Variants in SLC14A2 observed in about 807,000 individuals in gnomAD.
The protein encoded by SLC14A2 is urea transporter 2.
Under a neutral mutation model 104.6 loss-of-function variants are expected in SLC14A2, and 91 were observed. The observed-to-expected ratio is 0.87, with a 90% CI of 0.73 to 1.04. The LOEUF (loss-of-function observed/expected upper bound fraction) is 1.04, where lower values mean the gene tolerates loss of function less well. Among genes scored for constraint, SLC14A2 ranks in the 50% least tolerant of loss-of-function variants. The pLI, the probability that SLC14A2 is intolerant of heterozygous loss-of-function variation, is 0.00. For synonymous variants in SLC14A2, 476 were observed against 466.4 expected, an observed-to-expected ratio of 1.02 and a Z score of -0.27; for missense variants, 1,189 against 1,156.0, an observed-to-expected ratio of 1.03 and a Z score of -0.41.
chr18:45,648,306 C>T (rs548357915), intron 10 of SLC14A2, among the ~76,000 whole-genome samples: 23 of 150,718 alleles, frequency 1.5e-4, no homozygotes, highest in Admixed American at 6.0e-4. Context: ...CCCGGGTTCA[C>T]GCCATTCTCC....
At chr18:45,189,945 C>T in the SLC14A2 span, among the ~76,000 whole-genome samples, 1 of 152,150 alleles carries the variant, frequency 6.6e-6, no homozygotes, top group African/African-American at 2.4e-5. Flanking sequence ...TGGGAAATGT[C>T]ACCTCTTGGC....
intron 2 of SLC14A2, among the ~76,000 whole-genome samples, chr18:45,610,458 A>T (rs1239551611): frequency 6.6e-6 from 1 of 152,214 alleles, no homozygotes; most frequent in Non-Finnish European, 1.5e-5. Flanking sequence ...CCCGGTCATC[A>T]GCATTTTTTA....
At chr18:45,300,192 T>C (rs2084954538) in intron 1 of SLC14A2, among the ~76,000 whole-genome samples, 1 of 152,210 alleles carries the variant, frequency 6.6e-6, no homozygotes, top group South Asian at 2.1e-4. Context: ...GTTATCCTTC[T>C]GGTCAGTGTT....
intron 1 of SLC14A2, among the ~76,000 whole-genome samples, chr18:45,387,649 C>G (rs533814208): frequency 8.5e-5 from 13 of 152,238 alleles, no homozygotes; most frequent in African/African-American, 3.1e-4. Context: ...TTTCAGGTAT[C>G]CTCAGGGCAA....
chr18:45,548,804 G>A (rs1185949007), intron 2 of SLC14A2, among the ~76,000 whole-genome samples: 1 of 152,200 alleles, frequency 6.6e-6, no homozygotes, highest in African/African-American at 2.4e-5. Context: ...TTACACAGGT[G>A]ATGTCACTTA....
chr18:45,472,989 C>G (rs914978581), intron 1 of SLC14A2, among the ~76,000 whole-genome samples: 11 of 152,102 alleles, frequency 7.2e-5, no homozygotes, highest in Non-Finnish European at 1.5e-4. Context: ...AGGTTTCTTT[C>G]TAGGGTTTCT....
chr18:45,527,831 T>C (rs1048332873), intron 2 of SLC14A2: 2 of 152,238 alleles, frequency 1.3e-5, no homozygotes, highest in African/African-American at 4.8e-5. Context: ...ATAACTCTTG[T>C]CTACTATGCA....
chr18:45,644,639 G>C (rs2045588405), intron 10 of SLC14A2, among the ~76,000 whole-genome samples: 1 of 152,138 alleles, frequency 6.6e-6, no homozygotes, highest in South Asian at 2.1e-4. Flanking sequence ...ACCACAAAGA[G>C]AGGAATTTCA....
chr18:45,660,730 C>G (rs896516681), intron 10 of SLC14A2, among the ~76,000 whole-genome samples: 3 of 152,210 alleles, frequency 2.0e-5, no homozygotes, highest in African/African-American at 7.2e-5. Context: ...TTTCTCCCCA[C>G]CTCACCAATG....
intron 2 of SLC14A2, among the ~76,000 whole-genome samples, chr18:45,592,503 A>C (rs2044662397): frequency 6.6e-6 from 1 of 152,200 alleles, no homozygotes; most frequent in Admixed American, 6.5e-5. Context: ...CAGATGCAGG[A>C]AAGTTCGTTT....
chr18:45,387,579 AAT>A (rs1214283386), intron 1 of SLC14A2, among the ~76,000 whole-genome samples: 1 of 152,222 alleles, frequency 6.6e-6, no homozygotes, highest in Non-Finnish European at 1.5e-5. Flanking sequence ...TCTCTCAATC[AAT>A]ATCATATTTT....
At chr18:45,362,486 C>T (rs935600632) in intron 1 of SLC14A2, among the ~76,000 whole-genome samples, 38 of 152,170 alleles carry the variant, frequency 2.5e-4, no homozygotes, top group Non-Finnish European at 5.1e-4. Context: ...GCATCCAGCC[C>T]AACTCCCCTG....
upstream of SLC14A2, among the ~76,000 whole-genome samples, chr18:45,212,326 T>C (rs551308570): frequency 1.3e-5 from 2 of 152,342 alleles, no homozygotes; most frequent in South Asian, 2.1e-4. Context: ...AACTGTATTA[T>C]GGTTTTGAAG....
chr18:45,648,786 C>A (rs1200937211), intron 10 of SLC14A2, among the ~76,000 whole-genome samples: 1 of 151,660 alleles, frequency 6.6e-6, no homozygotes, highest in East Asian at 1.9e-4. Flanking sequence ...ATTCATTTTT[C>A]TTTGCTTTTT....
intron 10 of SLC14A2, among the ~76,000 whole-genome samples, chr18:45,659,757 C>T (rs770002530): frequency 3.3e-5 from 5 of 152,134 alleles, no homozygotes; most frequent in Non-Finnish European, 5.9e-5. Context: ...AACATTTATA[C>T]TAAGATACAT....
intron 1 of SLC14A2, among the ~76,000 whole-genome samples, chr18:45,247,492 G>A (rs2084378336): frequency 6.6e-6 from 1 of 152,170 alleles, no homozygotes; most frequent in Non-Finnish European, 1.5e-5. Context: ...ATGTGGGAGA[G>A]AGATTTGTTT....
At chr18:45,672,533 A>AC (rs2046158415) in intron 16 of SLC14A2, among the ~76,000 whole-genome samples, 1 of 151,984 alleles carries the variant, frequency 6.6e-6, no homozygotes, top group Non-Finnish European at 1.5e-5. Flanking sequence ...CCATCTCAAA[A>AC]AAAAAAAAAA....
the SLC14A2 span, among the ~76,000 whole-genome samples, chr18:45,199,348 T>C: frequency 1.3e-5 from 2 of 152,178 alleles, no homozygotes; most frequent in African/African-American, 4.8e-5. Flanking sequence ...ATTTTTTTCT[T>C]CTAAAATTCT....
chr18:45,592,752 G>A (rs2044666200), intron 2 of SLC14A2, among the ~76,000 whole-genome samples: 1 of 152,234 alleles, frequency 6.6e-6, no homozygotes, highest in South Asian at 2.1e-4. Flanking sequence ...ATGAGGGCCT[G>A]GGAGACCCAG....
Sources: gnomAD v4.1 joint callset for allele counts (sites outside exome capture counted in the v4.1 genomes callset) on GRCh38, gnomAD v4.1.1 for gene constraint, MANE v1.5 for transcripts, NCBI Gene and HGNC (gene_info 2026-07-23, HGNC 2026-07-21) for gene names.